Variants in NICN1 observed in about 807,000 individuals in gnomAD.
NICN1 encodes the protein nicolin 1, tubulin polyglutamylase complex subunit.
Under a neutral mutation model 26.3 loss-of-function variants are expected in NICN1, and 18 were observed. The ratio of observed to expected loss-of-function variants is 0.68; its 90% confidence interval spans 0.47 to 1.01. NICN1 has a LOEUF of 1.01. Ranked by LOEUF, NICN1 falls within the 50% of genes least tolerant of loss-of-function variation. NICN1 has a pLI of 0.00. For synonymous variants in NICN1, 109 were observed against 111.0 expected (o/e 0.98, Z 0.11); for missense variants, 239 against 278.3 (o/e 0.86, Z 1.00).
At position 49,422,713 on chromosome 3, in the gene NICN1, A is replaced by C; in HGVS notation, c.*2120T>G. 1 of 618,352 alleles carries C rather than the reference A, an allele frequency of 1.6e-6. No individual in the cohort carries two copies. The highest frequency in any genetic ancestry group is 3.0e-6 in the Non-Finnish European group (1 of 337,276). 38.3% of individuals were successfully genotyped at this position (618,352 alleles called of 1,614,324 possible). A position where few individuals can be genotyped will look rare whatever the true frequency, so the allele number is the denominator to read the frequency against. ...AGAGCTGATTGGGCTGCCCAGAACA[A>C]AGCTAGGGGCTAGACCGCCCCCTGC... On this transcript the variant is annotated 3_prime_UTR_variant, in exon 6 of 6. Transcript: ENST00000273598.
In NICN1 at chr3:49,423,002, C is replaced by A; in HGVS notation, c.*1831G>T. On this transcript the variant is annotated 3_prime_UTR_variant, in exon 6 of 6. Transcript: ENST00000273598. ...CATACCAGGCCCTCAGATGGGGACA[C>A]AGCCACGAATGAAGCATGGTCCCTG... 4.4e-6 allele frequency: 1 copy of A among 225,186 alleles called. No homozygotes were observed. The highest frequency in any genetic ancestry group is 1.7e-3 in the Middle Eastern group (1 of 590). 13.9% of individuals were successfully genotyped at this position (225,186 alleles called of 1,614,324 possible).
intron 1 of NICN1, 53 bp downstream of exon 1, chr3:49,429,055 T>C: frequency 2.6e-6 from 4 of 1,519,548 alleles, no homozygotes; most frequent in Non-Finnish European, 3.6e-6. Flanking sequence ...ACGACCGAGA[T>C]TCCAGGTCGG....
In NICN1 at chr3:49,426,444, C is replaced by A; in HGVS notation, c.133-16G>T. On this transcript the variant is annotated splice_polypyrimidine_tract_variant and intron_variant, in intron 1 of 5. Coordinates refer to ENST00000273598, the MANE Select transcript of NICN1 (RefSeq NM_032316.3). ...TTTCCTGCAACTAGAACACATACAA[C>A]CCATTACAACAAGTCAGACCCAGGC... 1 of 1,611,310 alleles carries A rather than the reference C, an allele frequency of 6.2e-7. No homozygotes were observed. Among genetic ancestry groups the A allele is most frequent in the Non-Finnish European group, 8.5e-7 (1 of 1,177,928 alleles).
rs1220214061 is a variant in NICN1, at chr3:49,422,670, G to C, written c.*2163C>G. ...TCCAGCTCTTTCGGCTGACTCTTCA[G>C]GGCAGCTCGGGCAATCCAGAGCTGA... On this transcript the variant is annotated 3_prime_UTR_variant, in exon 6 of 6. Transcript: ENST00000273598. The C allele has an allele frequency of 1.5e-6, 1 of 688,222 alleles. No homozygotes were observed. The highest frequency in any genetic ancestry group is 1.5e-5 in the South Asian group (1 of 66,114). The allele number at this position is 688,222 out of a possible 1,614,324, so 42.6% of individuals were successfully genotyped here. A position where few individuals can be genotyped will look rare whatever the true frequency, so the allele number is the denominator to read the frequency against.
chr3:49,422,493 A>C lies in NICN1; in HGVS notation c.*2340T>G. 1.3e-6 allele frequency: 2 copies of C among 1,578,676 alleles called. No individual in the cohort carries two copies. Among genetic ancestry groups the C allele is most frequent in the Non-Finnish European group, 1.7e-6 (2 of 1,153,006 alleles). ...GCAGACGGCGCACAGAGGCCACCAC[A>C]CTGCCAGGCACGCCGGGAGATGTAG... is the stretch of plus-strand genomic sequence containing the variant. On this transcript the variant is annotated 3_prime_UTR_variant, in exon 6 of 6. Transcript: ENST00000273598.
At chr3:49,425,136 G>A in intron 4 of NICN1, 83 bp from the exon 5 acceptor site, 1 of 1,158,518 alleles carries the variant, frequency 8.6e-7, no homozygotes, top group Non-Finnish European at 1.3e-6. Context: ...CCTGGGCTAG[G>A]GGCCCTCCAG....
In NICN1 at chr3:49,424,893, T is replaced by C. The variant is rs758848559; in HGVS notation, c.601-19A>G. On this transcript the variant is annotated intron_variant, in intron 5 of 5. Coordinates refer to ENST00000273598, the MANE Select transcript of NICN1 (RefSeq NM_032316.3). ...CATCCACCTGAAATACAAAAGACCA[T>C]CAGGTCTGATCTGCTCAGGGCAAAG... The C allele has an allele frequency of 4.3e-5, 70 of 1,612,962 alleles. No individual in the cohort carries two copies. Among genetic ancestry groups the C allele is most frequent in the Non-Finnish European group, 5.6e-5 (66 of 1,179,228 alleles).
rs947897859 is a variant in NICN1 at position 49,422,965 on chromosome 3, T to C, written c.*1868A>G. 1.9e-5 allele frequency: 5 copies of C among 264,230 alleles called. No homozygotes were observed. Among genetic ancestry groups the C allele is most frequent in the Non-Finnish European group, 3.8e-5 (5 of 131,024 alleles). The allele number at this position is 264,230 out of a possible 1,614,324, so 16.4% of individuals were successfully genotyped here. A position where few individuals can be genotyped will look rare whatever the true frequency, so the allele number is the denominator to read the frequency against. On this transcript the variant is annotated 3_prime_UTR_variant, in exon 6 of 6. Transcript: ENST00000273598. ...CAGTCATGCATTCCACAAGTATTTA[T>C]TGATCTTACTGCATACCAGGCCCTC...
Position 49,426,011 on chromosome 3 carries a change from C to T in NICN1, c.310-15G>A. The T allele has an allele frequency of 6.6e-7, 1 of 1,507,780 alleles. No homozygotes were observed. The highest frequency in any genetic ancestry group is 9.2e-7 in the Non-Finnish European group (1 of 1,087,206). 93.4% of individuals were successfully genotyped at this position (1,507,780 alleles called of 1,614,324 possible). ...TCACACAGCATCTGACACACACACA[C>T]AAGGACCCAGCAAGGATCCAGCTCA... On this transcript the variant is annotated splice_polypyrimidine_tract_variant and intron_variant, in intron 2 of 5. Transcript: ENST00000273598.
At position 49,422,729 on chromosome 3, in the gene NICN1, C is replaced by A. The variant is rs560403006; in HGVS notation, c.*2104G>T. ...CCCAGAACAAAGCTAGGGGCTAGAC[C>A]GCCCCCTGCAGAACCGCCCTGTCTC... On this transcript the variant is annotated 3_prime_UTR_variant, in exon 6 of 6. Transcript: ENST00000273598. 8 of 574,108 alleles carry A rather than the reference C, an allele frequency of 1.4e-5. No homozygotes were observed. In the East Asian group the frequency reaches 2.6e-4, roughly 19 times the overall value. The allele number at this position is 574,108 out of a possible 1,614,324, so 35.6% of individuals were successfully genotyped here.
At position 49,422,633 on chromosome 3, in the gene NICN1, A is replaced by G. The variant is rs1456963009; in HGVS notation, c.*2200T>C. The G allele has an allele frequency of 4.1e-6, 3 of 725,270 alleles. No individual in the cohort carries two copies. The highest frequency in any genetic ancestry group is 3.0e-5 in the South Asian group (2 of 67,156). The allele number at this position is 725,270 out of a possible 1,614,324, so 44.9% of individuals were successfully genotyped here. ...AGAGAATGCAGGAACCCGCAACCAC[A>G]GGGAAGAAGCCTCCAGCTCTTTCGG... On this transcript the variant is annotated 3_prime_UTR_variant, in exon 6 of 6. Coordinates refer to ENST00000273598, the MANE Select transcript of NICN1 (RefSeq NM_032316.3).
chr3:49,428,613 T>C (rs1295719674), intron 1 of NICN1, among the ~76,000 whole-genome samples: 3 of 149,764 alleles, frequency 2.0e-5, no homozygotes, highest in Non-Finnish European at 3.0e-5. Context: ...CCCAGCTACT[T>C]GGGAGGCTGA....
chr3:49,423,527 CA>C lies in NICN1; in HGVS notation c.*1305del. The C allele has an allele frequency of 6.6e-6, 1 of 152,412 alleles. No homozygotes were observed. The highest frequency in any genetic ancestry group is 1.9e-4 in the East Asian group (1 of 5,178). 9.4% of individuals were successfully genotyped at this position (152,412 alleles called of 1,614,324 possible). ...ATCCCAGCACTTTGGAAGGCCAAGG[CA>C]GGCAGATCACCTGAGGTCAGGTGTT... On this transcript the variant is annotated 3_prime_UTR_variant, in exon 6 of 6. Coordinates refer to ENST00000273598, the MANE Select transcript of NICN1 (RefSeq NM_032316.3).
At position 49,426,341 on chromosome 3, in the gene NICN1, A is replaced by C; in HGVS notation, c.220T>G (p.Trp74Gly). ...CAGTAGTCCCGCAGGCAGGTCACCC[A>C]CTTGGCAGGTGTGTGTGCTGAGGTG... ...QYTSAHTPAK[W>G]VTCLRDYCLM... Residue 74 changes from tryptophan to glycine, a missense_variant, in exon 2 of 6, where the codon TGG (tryptophan) becomes GGG (glycine). Coordinates refer to ENST00000273598, the MANE Select transcript of NICN1 (RefSeq NM_032316.3). The C allele has an allele frequency of 1.2e-6, 2 of 1,614,200 alleles. No individual in the cohort carries two copies. The highest frequency in any genetic ancestry group is 1.7e-6 in the Non-Finnish European group (2 of 1,180,016).
chr3:49,426,517 TC>T, intron 1 of NICN1, 89 bp from the exon 2 acceptor site: 1 of 874,974 alleles, frequency 1.1e-6, no homozygotes, highest in South Asian at 1.7e-5. Flanking sequence ...CTCTTCCTTC[TC>T]CCCACCTTTT....
At chr3:49,426,572 G>A (rs2049172173) in intron 1 of NICN1, 144 bp from the exon 2 acceptor site, 5 of 649,028 alleles carry the variant, frequency 7.7e-6, no homozygotes, top group Non-Finnish European at 1.3e-5. Context: ...CTTTTGCCCA[G>A]GCTGGAGTGC....
At chr3:49,425,501 A>G in intron 3 of NICN1, 63 bp from the exon 4 acceptor site, 1 of 1,401,788 alleles carries the variant, frequency 7.1e-7, no homozygotes, top group Non-Finnish European at 9.8e-7. Flanking sequence ...ACCAGATTCC[A>G]AGGTCCTAGG....
intron 4 of NICN1, 33 bp from the exon 5 acceptor site, chr3:49,425,086 T>A: frequency 2.5e-6 from 4 of 1,571,370 alleles, no homozygotes; most frequent in Non-Finnish European, 3.5e-6. Flanking sequence ...TGGCCATGGG[T>A]CTCTCCCCAG....
rs745604523 is a variant in NICN1, at chr3:49,424,839, G to A, written c.636C>T (p.Tyr212=). 12 of 1,613,796 alleles carry A rather than the reference G, an allele frequency of 7.4e-6. No homozygotes were observed. Among genetic ancestry groups the A allele is most frequent in the Non-Finnish European group, 1.0e-5 (12 of 1,179,830 alleles). Residue 212 remains tyrosine, a synonymous_variant, in exon 6 of 6, where the codon TAC becomes TAT. Transcript: ENST00000273598. ...CTTGGCTAGGAGCAACCATTCAAGT[G>A]TAGGAGAGCAAGTTCAGGTCATAAC... ...DGCYDLNLLS[Y]T is the part of the protein sequence containing the mutation.
Sources: allele counts gnomAD v4.1 joint callset (sites outside exome capture counted in the v4.1 genomes callset), GRCh38; gene constraint gnomAD v4.1.1; transcripts MANE v1.5; gene names NCBI Gene and HGNC (gene_info 2026-07-23, HGNC 2026-07-21).